Variants in SLC8A1 observed in about 807,000 individuals in gnomAD.
SLC8A1 encodes solute carrier family 8 member A1.
Under a neutral mutation model 68.3 loss-of-function variants are expected in SLC8A1, and 18 were observed. The ratio of observed to expected loss-of-function variants is 0.26; its 90% CI spans 0.18 to 0.39. SLC8A1 has a LOEUF of 0.39. SLC8A1 is among the 10% of genes least tolerant of loss of function. The probability of loss-of-function intolerance (pLI) is 1.00; values close to 1 mark genes in which losing one functional copy is unlikely to be tolerated. For missense variants in SLC8A1, 985 were observed against 1,156.7 expected (o/e 0.85, Z 2.15); for synonymous variants, 475 against 415.5 (o/e 1.14, Z -1.74).
intron 1 of SLC8A1, among the ~76,000 whole-genome samples, chr2:40,479,165 T>C (rs1232026691): frequency 6.6e-6 from 1 of 152,208 alleles, no homozygotes; most frequent in African/African-American, 2.4e-5. Flanking sequence ...CATGTGACTG[T>C]TGTCGAATAA....
intron 1 of SLC8A1, among the ~76,000 whole-genome samples, chr2:40,482,424 A>T (rs1704688296): frequency 6.6e-6 from 1 of 152,134 alleles, no homozygotes; most frequent in Admixed American, 6.5e-5. Context: ...TTTGCCAAGC[A>T]TATGGCCATG....
intron 2 of SLC8A1, among the ~76,000 whole-genome samples, chr2:40,309,258 C>G (rs891141990): frequency 3.3e-5 from 5 of 152,142 alleles, no homozygotes; most frequent in Admixed American, 6.6e-5. Flanking sequence ...GCATTTTCAA[C>G]ACAGGAATAA....
At chr2:40,247,046 A>T (rs1372606214) in intron 2 of SLC8A1, among the ~76,000 whole-genome samples, 1 of 152,232 alleles carries the variant, frequency 6.6e-6, no homozygotes, top group Non-Finnish European at 1.5e-5. Flanking sequence ...TTTAGTGTGA[A>T]ATCATGCTGG....
At chr2:40,174,184 C>T (rs1046497419) in intron 4 of SLC8A1, among the ~76,000 whole-genome samples, 9 of 152,112 alleles carry the variant, frequency 5.9e-5, no homozygotes, top group Non-Finnish European at 1.2e-4. Context: ...GAAGGCTCTG[C>T]TCAACATGAT....
intron 2 of SLC8A1, among the ~76,000 whole-genome samples, chr2:40,217,792 A>T (rs2057721602): frequency 1.3e-5 from 2 of 152,240 alleles, no homozygotes. Context: ...TGTTAATTTC[A>T]AGCAGTTACA....
chr2:40,310,696 C>G (rs1017779597), intron 2 of SLC8A1, among the ~76,000 whole-genome samples: 7 of 152,094 alleles, frequency 4.6e-5, no homozygotes, highest in African/African-American at 1.7e-4. Flanking sequence ...GAGACCTCCC[C>G]TCAAGCTCAC....
chr2:40,479,289 T>C (rs1268349004), intron 1 of SLC8A1, among the ~76,000 whole-genome samples: 1 of 152,226 alleles, frequency 6.6e-6, no homozygotes, highest in Non-Finnish European at 1.5e-5. Flanking sequence ...ATCTTTTGTA[T>C]GTAACTTCAA....
chr2:40,433,767 A>G (rs139370696), intron 1 of SLC8A1, among the ~76,000 whole-genome samples: 2 of 152,282 alleles, frequency 1.3e-5, no homozygotes, highest in African/African-American at 2.4e-5. Flanking sequence ...GCTCCATTAT[A>G]TCATCCCTGA....
At chr2:40,481,877 T>C (rs1050002858) in intron 1 of SLC8A1, among the ~76,000 whole-genome samples, 1 of 152,310 alleles carries the variant, frequency 6.6e-6, no homozygotes, top group South Asian at 2.1e-4. Flanking sequence ...ACCCTTTTAG[T>C]TGGTAATTTT....
At chr2:40,324,613 G>A (rs192070981) in intron 2 of SLC8A1, among the ~76,000 whole-genome samples, 100 of 152,126 alleles carry the variant, frequency 6.6e-4, no homozygotes, top group Non-Finnish European at 1.2e-3. Context: ...TGGCAATTTT[G>A]TTCATCCACT....
At chr2:40,331,514 G>T (rs2076404391) in intron 2 of SLC8A1, among the ~76,000 whole-genome samples, 1 of 152,054 alleles carries the variant, frequency 6.6e-6, no homozygotes, top group Admixed American at 6.5e-5. Flanking sequence ...TGAGTTAACT[G>T]CATAAAATAG....
At chr2:40,411,568 T>C (rs1460044803) in intron 2 of SLC8A1, among the ~76,000 whole-genome samples, 1 of 152,006 alleles carries the variant, frequency 6.6e-6, no homozygotes, top group Non-Finnish European at 1.5e-5. Flanking sequence ...ATATTATTTA[T>C]GTATAAACGT....
chr2:40,146,929 C>T (rs182286798), intron 6 of SLC8A1, among the ~76,000 whole-genome samples: 166 of 152,182 alleles, frequency 1.1e-3, no homozygotes, highest in African/African-American at 3.8e-3. Flanking sequence ...TTGTAAAGGG[C>T]GTCAAGAAGG....
Position 40,327,706 on chromosome 2 carries a change from G to T in SLC8A1, c.1808+100767C>A, listed in dbSNP as rs114830241. ...CACATATAACTAGGAGCTAAACATT[G>T]GGTACACATGGACATAAAGATGAGA... On this transcript the variant is annotated intron_variant, in intron 2 of 7. Transcript: ENST00000406785. Among the ~76,000 whole-genome samples, 196 of 152,188 alleles carry T rather than the reference G, an allele frequency of 1.3e-3. 1 individual carries two copies. Among genetic ancestry groups the T allele is most frequent in the African/African-American group, 4.6e-3 (191 of 41,508 alleles).
rs1168996647 is a variant in SLC8A1, at chr2:40,302,049, G to GTGTGTGTGTGTA, written c.1809-124195_1809-124194insTACACACACACA. On this transcript the variant is annotated intron_variant, in intron 2 of 7. Transcript: ENST00000406785. ...GGCTAATCTGTGTGTGTGTGTGTGT[G>GTGTGTGTGTGTA]TGTGTGTGTGTGTGTGTGTGTGTGT... Among the ~76,000 whole-genome samples the GTGTGTGTGTGTA allele has an allele frequency of 3.3e-5, 5 of 150,874 alleles. No homozygotes were observed. In the East Asian group the frequency reaches 9.9e-4, roughly 30 times the overall value.
chr2:40,176,551 G>A (rs752434434), intron 3 of SLC8A1, among the ~76,000 whole-genome samples: 2 of 151,944 alleles, frequency 1.3e-5, no homozygotes, highest in African/African-American at 4.8e-5. Flanking sequence ...GGCCTTGAGT[G>A]CTCCTTTTCC....
chr2:40,123,453 C>G (rs959283322), intron 7 of SLC8A1, among the ~76,000 whole-genome samples: 6 of 152,172 alleles, frequency 3.9e-5, no homozygotes, highest in African/African-American at 1.2e-4. Flanking sequence ...AAATTACACT[C>G]TGCCACTCAC....
intron 2 of SLC8A1, among the ~76,000 whole-genome samples, chr2:40,257,003 G>C (rs1219337409): frequency 7.4e-6 from 1 of 135,058 alleles, no homozygotes; most frequent in Non-Finnish European, 1.6e-5. Flanking sequence ...ATAAGATTGA[G>C]CCTATCAAGT....
intron 2 of SLC8A1, among the ~76,000 whole-genome samples, chr2:40,206,389 C>T (rs747193729): frequency 2.8e-4 from 43 of 152,032 alleles, no homozygotes; most frequent in Admixed American, 1.2e-3. Context: ...ATCCTATTAA[C>T]TCAAAGAGTG....
Sources: gnomAD v4.1 joint callset for allele counts (sites outside exome capture counted in the v4.1 genomes callset) on GRCh38, gnomAD v4.1.1 for gene constraint, MANE v1.5 for transcripts, NCBI Gene and HGNC (gene_info 2026-07-23, HGNC 2026-07-21) for gene names.